The following ALG9 variants were observed in gnomAD, a reference collection of about 807,000 sequenced individuals.
ALG9 encodes alpha-1,2-mannosyltransferase ALG9.
Under a neutral mutation model 81.8 loss-of-function variants are expected in ALG9, and 55 were observed. The ratio of observed to expected loss-of-function variants is 0.67; its 90% confidence interval spans 0.54 to 0.84. ALG9 has a LOEUF of 0.84. ALG9 is among the 40% of genes least tolerant of loss of function. The pLI is 0.00. For synonymous variants in ALG9, 278 were observed against 274.3 expected (o/e 1.01, Z -0.13); for missense variants, 629 against 745.0 (o/e 0.84, Z 1.81).
intron 13 of ALG9, among the ~76,000 whole-genome samples, chr11:111,822,922 G>T (rs531011322): frequency 6.6e-6 from 1 of 152,184 alleles, no homozygotes; most frequent in South Asian, 2.1e-4. Flanking sequence ...TACTCAGGAG[G>T]CTGAGGCGGG....
In ALG9 at chr11:111,783,944, ATGACAAAAC is replaced by A. The variant is rs1555059633; in HGVS notation, c.*2444_*2452del. 1.5e-5 allele frequency: 2 copies of A among 137,186 alleles called. No individual in the cohort carries two copies. The allele number at this position is 137,186 out of a possible 1,614,324, so 8.5% of individuals were successfully genotyped here. On this transcript the variant is annotated 3_prime_UTR_variant, in exon 15 of 15. Transcript: ENST00000616540. Reference sequence around the variant, plus strand: ...TTTTTTAAAAAAAAAAAAAAACAAGATGACAAAACAGATAAAACAGCATTATACTACTTT... The same window carrying A: ...TTTTTTAAAAAAAAAAAAAAACAAGAAGATAAAACAGCATTATACTACTTT...
the ALG9 span, among the ~76,000 whole-genome samples, chr11:111,773,837 C>T: frequency 3.3e-5 from 5 of 150,504 alleles, no homozygotes; most frequent in Non-Finnish European, 5.9e-5. Flanking sequence ...TCGCTGCAGC[C>T]TCGATCTCCT....
At chr11:111,788,356 T>C in intron 14 of ALG9, 5 of 452,834 alleles carry the variant, frequency 1.1e-5, no homozygotes, top group South Asian at 6.2e-5. Flanking sequence ...TCAAGGGCTT[T>C]GATAGAGAAA....
intron 13 of ALG9, among the ~76,000 whole-genome samples, chr11:111,818,144 T>C (rs1261004724): frequency 1.3e-5 from 2 of 152,150 alleles, no homozygotes; most frequent in Non-Finnish European, 2.9e-5. Flanking sequence ...AAGGCTGCAG[T>C]AAAGAATAGG....
Position 111,829,436 on chromosome 11 carries a change from A to G in ALG9, c.1602+6729T>C, listed in dbSNP as rs992545923. The stretch of plus-strand genomic sequence containing the variant: ...ACTTCTTTCTGTTTCAACCCACTAG[A>G]AGCTTTAGAGAAGAACAAATAAGCA... On this transcript the variant is annotated intron_variant, in intron 13 of 14. Coordinates refer to ENST00000616540, the MANE Select transcript of ALG9 (RefSeq NM_024740.2). Among the ~76,000 whole-genome samples, 265 of 152,330 alleles carry G rather than the reference A, an allele frequency of 1.7e-3. 4 individuals carry two copies. The highest frequency in any genetic ancestry group is 5.1e-4 in the Non-Finnish European group (35 of 68,022).
In ALG9 at chr11:111,860,607, C is replaced by G. The variant is rs782744820; in HGVS notation, c.505G>C (p.Val169Leu). Reference sequence around the variant, plus strand: ...AAGAAGGCTAGCATCATTCGACTCACGTGCAACCCAAACTTCTTGCACACA... The same window carrying G: ...AAGAAGGCTAGCATCATTCGACTCAGGTGCAACCCAAACTTCTTGCACACA... ...KAVCKKFGLH[V>L]SRMMLAFLVL... Residue 169 changes from valine to leucine, a missense_variant, in exon 5 of 15, where the codon GTG becomes CTG. Physicochemically the swap from Val to Leu is conservative, Grantham distance 32. This residue lies in a region of ALG9 where 344 missense variants were observed against 390.5 expected (regional missense o/e 0.88). Coordinates refer to ENST00000616540, the MANE Select transcript of ALG9 (RefSeq NM_024740.2). 6 of 1,613,874 alleles carry G rather than the reference C, an allele frequency of 3.7e-6. No homozygotes were observed. The African/African-American group carries it at 4.0e-5, about 11-fold the overall frequency.
At chr11:111,776,189 A>T in the ALG9 span, among the ~76,000 whole-genome samples, 52 of 152,206 alleles carry the variant, frequency 3.4e-4, no homozygotes, top group South Asian at 6.2e-4. Flanking sequence ...AATAACAAAA[A>T]ATAAATAAAA....
intron 13 of ALG9, among the ~76,000 whole-genome samples, chr11:111,820,358 C>A (rs1209578009): frequency 2.0e-5 from 3 of 152,198 alleles, no homozygotes; most frequent in Non-Finnish European, 4.4e-5. Flanking sequence ...CTGGTAAGGG[C>A]CTTCTTACTG....
At chr11:111,820,799 AG>A (rs1475255143) in intron 13 of ALG9, among the ~76,000 whole-genome samples, 1 of 152,140 alleles carries the variant, frequency 6.6e-6, no homozygotes, top group African/African-American at 2.4e-5. Context: ...ATACAAATGT[AG>A]GGCCAGGTAT....
At chr11:111,858,056 C>G (rs1417482368) in intron 5 of ALG9, 2 of 356,162 alleles carry the variant, frequency 5.6e-6, no homozygotes, top group Non-Finnish European at 1.1e-5. Context: ...CTTGACTGAG[C>G]CTACCGAGTA....
At chr11:111,803,090 T>C (rs1351453835) in intron 14 of ALG9, among the ~76,000 whole-genome samples, 4 of 152,226 alleles carry the variant, frequency 2.6e-5, no homozygotes, top group South Asian at 4.1e-4. Flanking sequence ...ATTTGATCTA[T>C]AGATTAAATA....
the ALG9 span, among the ~76,000 whole-genome samples, chr11:111,772,622 G>T: frequency 6.6e-6 from 1 of 152,184 alleles, no homozygotes; most frequent in South Asian, 2.1e-4. Context: ...ACCTCATGTG[G>T]TTGTTAAAAA....
At chr11:111,817,781 T>C (rs1394158920) in intron 13 of ALG9, among the ~76,000 whole-genome samples, 9 of 150,736 alleles carry the variant, frequency 6.0e-5, no homozygotes, top group Middle Eastern at 3.4e-3. Context: ...GTATTTCTTT[T>C]TTTTTTTTTT....
chr11:111,843,666 T>A (rs1956550215), intron 9 of ALG9, among the ~76,000 whole-genome samples: 1 of 152,202 alleles, frequency 6.6e-6, no homozygotes. Flanking sequence ...TGTTCAAATC[T>A]GTCTTCCATA....
intron 4 of ALG9, chr11:111,864,507 G>T: frequency 1.5e-6 from 1 of 681,990 alleles, no homozygotes; most frequent in South Asian, 1.5e-5. Flanking sequence ...ATGATCCAGT[G>T]GATATTCAAA....
At chr11:111,801,849 G>A (rs1305547783) in intron 14 of ALG9, among the ~76,000 whole-genome samples, 3 of 152,164 alleles carry the variant, frequency 2.0e-5, no homozygotes, top group African/African-American at 7.2e-5. Context: ...CCTCAGAGCT[G>A]GGGAACTTTC....
intron 14 of ALG9, among the ~76,000 whole-genome samples, chr11:111,790,855 G>C (rs1474962759): frequency 2.6e-5 from 4 of 152,220 alleles, no homozygotes; most frequent in Non-Finnish European, 4.4e-5. Context: ...TATTGCCAGT[G>C]AAAGTGTAAG....
rs143607973 is a variant in ALG9 at position 111,863,467 on chromosome 11, G to A, written c.476+1714C>T. On this transcript the variant is annotated intron_variant, in intron 4 of 14. Coordinates refer to ENST00000616540, the MANE Select transcript of ALG9 (RefSeq NM_024740.2). Reference sequence around the variant, plus strand: ...ATAAAGACCAATTTACGGAATTTACGGTTACAATCCTCAAAGGCAGCACTA... The same window carrying A: ...ATAAAGACCAATTTACGGAATTTACAGTTACAATCCTCAAAGGCAGCACTA... 1.2e-3 allele frequency among the ~76,000 whole-genome samples: 187 copies of A among 152,194 alleles called. 1 individual carries two copies. The highest frequency in any genetic ancestry group is 3.4e-3 in the Middle Eastern group (1 of 290).
intron 14 of ALG9, among the ~76,000 whole-genome samples, chr11:111,799,248 G>A (rs1018215296): frequency 1.3e-5 from 2 of 152,170 alleles, no homozygotes; most frequent in African/African-American, 2.4e-5. Flanking sequence ...CCGGGTTCAA[G>A]TGATTCTCCT....
Sources: gnomAD v4.1 joint callset for allele counts (sites outside exome capture counted in the v4.1 genomes callset) on GRCh38, gnomAD v4.1.1 for gene constraint, gnomAD v4.1.1 regional missense constraint, MANE v1.5 for transcripts, NCBI Gene and HGNC (gene_info 2026-07-23, HGNC 2026-07-21) for gene names.